TRPM7: variants seen among roughly 807,000 people sequenced by gnomAD.
TRPM7 encodes LTRPC ion channel family member 7.
TRPM7 carries 134 observed loss-of-function variants against 229.7 expected under a neutral mutation model. The observed-to-expected ratio is 0.58, with a 90% confidence interval of 0.51 to 0.67. TRPM7 has a LOEUF of 0.67. TRPM7 is among the 30% of genes least tolerant of loss of function. The pLI is 0.00. For missense variants in TRPM7, 1,901 were observed against 2,210.0 expected, an observed-to-expected ratio of 0.86 and a Z score of 2.80; for synonymous variants, 699 against 715.2, an observed-to-expected ratio of 0.98 and a Z score of 0.36.
rs1003429046 is a variant in TRPM7, at chr15:50,682,003, C to T, written c.3+4528G>A. On this transcript the variant is annotated intron_variant, in intron 1 of 38. Transcript: ENST00000646667. Reference sequence around the variant, plus strand: ...GACCAGCCTGGCCAACATGGGGAAACCCTGTCTCTACTAAAAGTACAAAAA... The same window carrying T: ...GACCAGCCTGGCCAACATGGGGAAATCCTGTCTCTACTAAAAGTACAAAAA... Among the ~76,000 whole-genome samples the T allele has an allele frequency of 2.6e-5, 4 of 151,900 alleles. No homozygotes were observed. In the South Asian group the frequency reaches 6.2e-4, roughly 24 times the overall value.
chr15:50,644,562 G>T (rs2061202913), intron 4 of TRPM7, among the ~76,000 whole-genome samples: 1 of 152,138 alleles, frequency 6.6e-6, no homozygotes, highest in South Asian at 2.1e-4. Flanking sequence ...CAGCACTGTG[G>T]GAGGCCAAGG....
intron 11 of TRPM7, among the ~76,000 whole-genome samples, chr15:50,626,959 T>C (rs1277951484): frequency 6.6e-6 from 1 of 152,184 alleles, no homozygotes; most frequent in Non-Finnish European, 1.5e-5. Context: ...ATAAGGAGAA[T>C]TTGCCACAAT....
At chr15:50,611,586 C>T (rs71469701) in intron 16 of TRPM7, among the ~76,000 whole-genome samples, 1 of 152,100 alleles carries the variant, frequency 6.6e-6, no homozygotes, top group South Asian at 2.1e-4. Flanking sequence ...ACTATAATCT[C>T]AAAGGGAATC....
chr15:50,579,043 T>G (rs1199789996), intron 30 of TRPM7, among the ~76,000 whole-genome samples: 1 of 152,192 alleles, frequency 6.6e-6, no homozygotes, highest in African/African-American at 2.4e-5. Context: ...GCTAGAAATA[T>G]TTCAATAGAA....
Position 50,592,645 on chromosome 15 carries a change from C to CT in TRPM7, c.3609-20dup, listed in dbSNP as rs1566970827. On this transcript the variant is annotated intron_variant, in intron 25 of 38. Coordinates refer to ENST00000646667, the MANE Select transcript of TRPM7 (RefSeq NM_017672.6). The stretch of plus-strand genomic sequence containing the variant: ...TTCCACTCTGTAGGAGAGAAATAAG[C>CT]TTTTTTTACAAATGTGAAAAAATAA... 20 of 1,449,208 alleles carry CT rather than the reference C, an allele frequency of 1.4e-5. No homozygotes were observed. The highest frequency in any genetic ancestry group is 2.3e-5 in the East Asian group (1 of 42,872). The allele number at this position is 1,449,208 out of a possible 1,614,324, so 89.8% of individuals were successfully genotyped here. A position where few individuals can be genotyped will look rare whatever the true frequency, so the allele number is the denominator to read the frequency against.
intron 21 of TRPM7, among the ~76,000 whole-genome samples, chr15:50,601,955 C>CT (rs1237498865): frequency 0.04 from 5,077 of 128,168 alleles, 101 homozygotes; most frequent in Middle Eastern, 0.11. Flanking sequence ...CACATATTTT[C>CT]TTTTTTTTTT....
intron 10 of TRPM7, among the ~76,000 whole-genome samples, chr15:50,629,031 T>G (rs548620832): frequency 6.6e-6 from 1 of 152,336 alleles, no homozygotes; most frequent in Non-Finnish European, 1.5e-5. Flanking sequence ...CCACAATTTA[T>G]TTAACAAATA....
intron 11 of TRPM7, 48 bp downstream of exon 11, chr15:50,628,101 T>TTG (rs1596245744): frequency 7.6e-7 from 1 of 1,324,336 alleles, no homozygotes; most frequent in East Asian, 2.3e-5. Context: ...TACTTTTTTA[T>TTG]TACTTAGTGT....
chr15:50,662,873 T>C, intron 2 of TRPM7, 94 bp downstream of exon 2: 1 of 892,792 alleles, frequency 1.1e-6, no homozygotes, highest in Non-Finnish European at 1.8e-6. Flanking sequence ...GTACAAATAA[T>C]TTATTTAGTG....
chr15:50,629,056 T>C (rs184476066), intron 10 of TRPM7, among the ~76,000 whole-genome samples: 16 of 152,352 alleles, frequency 1.1e-4, no homozygotes, highest in Admixed American at 8.5e-4. Flanking sequence ...AAATGGTAGA[T>C]ATTCAGGTTA....
Position 50,561,610 on chromosome 15 carries a change from G to A in TRPM7, c.*68C>T, listed in dbSNP as rs1596034571. 2.0e-5 allele frequency: 31 copies of A among 1,575,038 alleles called. No individual in the cohort carries two copies. The highest frequency in any genetic ancestry group is 1.8e-4 in the Middle Eastern group (1 of 5,596). ...CTATATTACCAAACAATTTCCTCCCGAGGGAAAAGTGACACAGTAACATTT... is the reference window on the plus strand; with the variant it reads ...CTATATTACCAAACAATTTCCTCCCAAGGGAAAAGTGACACAGTAACATTT... On this transcript the variant is annotated 3_prime_UTR_variant, in exon 39 of 39. Transcript: ENST00000646667.
rs62017198 is a variant in TRPM7, at chr15:50,648,964, C to T, written c.123-79G>A. ...AAAATGGAATTAAAAGTGAATGAAC[C>T]GACAAATATAAGCTTTAAAATTTTT... On this transcript the variant is annotated intron_variant, in intron 3 of 38. Coordinates refer to ENST00000646667, the MANE Select transcript of TRPM7 (RefSeq NM_017672.6). 104,692 of 1,084,504 alleles carry T rather than the reference C, an allele frequency of 0.097. 5,839 individuals carry two copies. The highest frequency in any genetic ancestry group is 0.16 in the Middle Eastern group (665 of 4,238). The allele number at this position is 1,084,504 out of a possible 1,614,324, so 67.2% of individuals were successfully genotyped here.
chr15:50,619,697 A>G (rs1472315602), intron 13 of TRPM7, 48 bp downstream of exon 13: 13 of 1,403,472 alleles, frequency 9.3e-6, no homozygotes, highest in Non-Finnish European at 1.3e-5. Context: ...TGAAATATAA[A>G]TGATTTTTTA....
At chr15:50,574,501 T>C in intron 35 of TRPM7, 22 bp from the exon 36 acceptor site, 1 of 1,584,696 alleles carries the variant, frequency 6.3e-7, no homozygotes, top group Non-Finnish European at 8.6e-7. Context: ...TAGTTATAAA[T>C]ATTACTAGCA....
intron 9 of TRPM7, among the ~76,000 whole-genome samples, chr15:50,631,878 T>C (rs1441256077): frequency 6.6e-6 from 1 of 152,224 alleles, no homozygotes. Flanking sequence ...AATGAACATT[T>C]ACATGTTCAC....
chr15:50,635,623 A>T (rs1230943350), intron 7 of TRPM7, among the ~76,000 whole-genome samples: 3 of 142,330 alleles, frequency 2.1e-5, no homozygotes, highest in African/African-American at 8.0e-5. Flanking sequence ...AGATCGTGCC[A>T]CTGCACTCCA....
intron 3 of TRPM7, among the ~76,000 whole-genome samples, chr15:50,650,628 G>T (rs1438042250): frequency 6.6e-6 from 1 of 152,052 alleles, no homozygotes; most frequent in African/African-American, 2.4e-5. Context: ...CTGGGAGGCA[G>T]AGGTTGTGGT....
chr15:50,666,483 GGAA>G lies in TRPM7; in HGVS notation c.4-3440_4-3438del, dbSNP rs1596336793. 4.0e-5 allele frequency among the ~76,000 whole-genome samples: 6 copies of G among 151,508 alleles called. No homozygotes were observed. The East Asian group carries it at 5.9e-4, about 15-fold the overall frequency. On this transcript the variant is annotated intron_variant, in intron 1 of 38. Transcript: ENST00000646667. ...AAGAAGAGGAGGAAGAGGAAGAAGA[GGAA>G]GAAGAAAACGAAGAGGAAGAGGAAA... is the stretch of plus-strand genomic sequence containing the variant.
chr15:50,602,614 G>C (rs1295102150), intron 21 of TRPM7, among the ~76,000 whole-genome samples: 1 of 152,096 alleles, frequency 6.6e-6, no homozygotes, highest in Admixed American at 6.5e-5. Flanking sequence ...CTACCTATCT[G>C]TTCACATGTC....
Sources: allele counts gnomAD v4.1 joint callset (sites outside exome capture counted in the v4.1 genomes callset), GRCh38; gene constraint gnomAD v4.1.1; transcripts MANE v1.5; gene names NCBI Gene and HGNC (gene_info 2026-07-23, HGNC 2026-07-21).